CHD4: variants seen among roughly 807,000 people sequenced by gnomAD.
CHD4 encodes ATP-dependent chromatin remodeler CHD4.
A neutral mutation model predicts 235.5 loss-of-function variants in CHD4; 35 were observed. That is an observed-to-expected ratio of 0.15 (90% CI 0.11 to 0.20). The LOEUF (loss-of-function observed/expected upper bound fraction) is 0.20. Ranked by LOEUF, CHD4 falls within the 10% of genes least tolerant of loss-of-function variation. The probability of loss-of-function intolerance (pLI) is 1.00; values close to 1 mark genes in which losing one functional copy is unlikely to be tolerated. For synonymous variants in CHD4, 900 were observed against 850.2 expected (o/e 1.06, Z -1.02); for missense variants, 1,329 against 2,432.3 (o/e 0.55, Z 9.54).
At chr12:6,606,924 G>A (rs940240439) in intron 1 of CHD4, 2 of 152,102 alleles carry the variant, frequency 1.3e-5, no homozygotes, top group African/African-American at 2.4e-5. Flanking sequence ...GCGGGGACGA[G>A]GGGGCGTGGA....
intron 24 of CHD4, 42 bp downstream of exon 24, chr12:6,587,670 G>A: frequency 6.2e-7 from 1 of 1,608,918 alleles, no homozygotes; most frequent in Non-Finnish European, 8.5e-7. Flanking sequence ...CCTTTAGAGA[G>A]GCCAAGCCCC....
At chr12:6,581,531 G>T in intron 31 of CHD4, 118 bp downstream of exon 31, 1 of 1,534,910 alleles carries the variant, frequency 6.5e-7, no homozygotes, top group Non-Finnish European at 9.0e-7. Flanking sequence ...CTCCTAAACT[G>T]AGAGGGAATT....
intron 2 of CHD4, 22 bp from the exon 3 acceptor site, chr12:6,602,519 T>C: frequency 1.2e-6 from 2 of 1,608,750 alleles, no homozygotes; most frequent in Admixed American, 1.7e-5. Context: ...TGGCAAAGAG[T>C]GGTAGGCAGG....
rs766846637 is a variant in CHD4 at position 6,601,557 on chromosome 12, G to C, written c.558-27C>G. Reference sequence around the variant, plus strand: ...TGGTGGAGAAATGCACAAGAGCAGAGGGAAAGGTTTAAGAATAAAAAAAGA... The same window carrying C: ...TGGTGGAGAAATGCACAAGAGCAGACGGAAAGGTTTAAGAATAAAAAAAGA... On this transcript the variant is annotated intron_variant, in intron 5 of 39. Coordinates refer to ENST00000544040, the MANE Select transcript of CHD4 (RefSeq NM_001273.5). 5 of 1,613,844 alleles carry C rather than the reference G, an allele frequency of 3.1e-6. No homozygotes were observed. In the South Asian group the frequency reaches 3.3e-5, roughly 11 times the overall value.
In CHD4 at chr12:6,587,690, C is replaced by T. The variant is rs77543056; in HGVS notation, c.3703+22G>A. The T allele has an allele frequency of 4.8e-3, 7,814 of 1,611,868 alleles. 268 individuals are homozygous for T. In the African/African-American group the frequency reaches 0.082, roughly 17 times the overall value. ...AGAGAGGCCAAGCCCCACACCAAAA[C>T]GTAAGTTCCTGACTACCTCACCTCC... is the stretch of plus-strand genomic sequence containing the variant. On this transcript the variant is annotated intron_variant, in intron 24 of 39. Transcript: ENST00000544040.
chr12:6,571,050 G>T lies in CHD4; in HGVS notation c.5558-18C>A. On this transcript the variant is annotated intron_variant, in intron 38 of 39. Coordinates refer to ENST00000544040, the MANE Select transcript of CHD4 (RefSeq NM_001273.5). ...TTTCAGAACTGCATAGGGAGAAAAA[G>T]AGGTGGTGAGCTGTGGTGGCCCAGA... is the stretch of plus-strand genomic sequence containing the variant. The T allele has an allele frequency of 1.2e-6, 2 of 1,612,650 alleles. No individual in the cohort carries two copies. Among genetic ancestry groups the T allele is most frequent in the South Asian group, 2.2e-5 (2 of 90,942 alleles).
intron 7 of CHD4, 31 bp from the exon 8 acceptor site, chr12:6,600,700 G>C: frequency 6.2e-7 from 1 of 1,611,840 alleles, no homozygotes; most frequent in Admixed American, 1.7e-5. Context: ...AAGGTTAGAC[G>C]TTCAAGCCAA....
intron 34 of CHD4, 121 bp downstream of exon 34, chr12:6,578,723 TAC>T (rs997945397): frequency 7.4e-7 from 1 of 1,343,418 alleles, no homozygotes; most frequent in Non-Finnish European, 1.1e-6. Context: ...TGGGGACAGG[TAC>T]AGTCTTTTAT....
intron 25 of CHD4, among the ~76,000 whole-genome samples, chr12:6,586,111 A>T (rs1248169148): frequency 6.6e-6 from 1 of 150,698 alleles, no homozygotes; most frequent in Non-Finnish European, 1.5e-5. Context: ...AAAAAAAAAT[A>T]TATAAGGCCA....
At chr12:6,581,198 C>CA (rs1334228941) in intron 32 of CHD4, 25 bp from the exon 33 acceptor site, 1 of 1,610,332 alleles carries the variant, frequency 6.2e-7, no homozygotes, top group Admixed American at 1.7e-5. Context: ...AAAACAAAAA[C>CA]AAAACAGATG....
At chr12:6,602,640 A>T in intron 2 of CHD4, 143 bp from the exon 3 acceptor site, 2 of 1,139,942 alleles carry the variant, frequency 1.8e-6, no homozygotes, top group Non-Finnish European at 2.5e-6. Flanking sequence ...GTACAGGAGG[A>T]AGCTGATACC....
intron 33 of CHD4, chr12:6,580,685 C>A (rs1237026721): frequency 1.2e-5 from 2 of 163,890 alleles, no homozygotes; most frequent in Admixed American, 1.7e-4. Flanking sequence ...CCAGCCTGGG[C>A]AACGAGTAAA....
At position 6,594,381 on chromosome 12, in the gene CHD4, A is replaced by C. The variant is rs11064273; in HGVS notation, c.2313+78T>G. ...CAGAGACCAATTTTTTTATTCCCTT[A>C]TCTCTCTACTCAGTGTAAGTTAAGG... On this transcript the variant is annotated intron_variant, in intron 15 of 39. Transcript: ENST00000544040. 4.0e-3 allele frequency: 5,445 copies of C among 1,359,326 alleles called. 103 individuals are homozygous for C. Among genetic ancestry groups the C allele is most frequent in the African/African-American group, 0.033 (2,237 of 68,364 alleles). 84.2% of individuals were successfully genotyped at this position (1,359,326 alleles called of 1,614,324 possible).
At chr12:6,585,445 A>G (rs1403610655) in intron 25 of CHD4, among the ~76,000 whole-genome samples, 1 of 150,852 alleles carries the variant, frequency 6.6e-6, no homozygotes, top group East Asian at 2.0e-4. Flanking sequence ...CACCACGCCC[A>G]GCTAATTTTT....
intron 6 of CHD4, 91 bp downstream of exon 6, chr12:6,601,198 C>T (rs1592282405): frequency 1.3e-6 from 2 of 1,564,492 alleles, no homozygotes; most frequent in East Asian, 4.5e-5. Context: ...CTATCTCCTA[C>T]CTTAGGGCTG....
At chr12:6,595,466 C>T in intron 13 of CHD4, 36 bp from the exon 14 acceptor site, 7 of 1,585,446 alleles carry the variant, frequency 4.4e-6, no homozygotes, top group Non-Finnish European at 6.1e-6. Flanking sequence ...TGCCCAAAAT[C>T]CTTTTCTATA....
chr12:6,570,736 A>C, intron 39 of CHD4, 43 bp from the exon 40 acceptor site: 1 of 1,613,938 alleles, frequency 6.2e-7, no homozygotes, highest in South Asian at 1.1e-5. Context: ...AGATGATAGG[A>C]ATCCACCCAA....
intron 37 of CHD4, 147 bp downstream of exon 37, chr12:6,577,638 T>G: frequency 9.6e-7 from 1 of 1,038,278 alleles, no homozygotes; most frequent in Non-Finnish European, 1.4e-6. Flanking sequence ...TCTTCAACCC[T>G]AATGTGTAAG....
At chr12:6,595,717 G>A (rs1338779177) in intron 13 of CHD4, among the ~76,000 whole-genome samples, 1 of 151,520 alleles carries the variant, frequency 6.6e-6, no homozygotes, top group African/African-American at 2.4e-5. Context: ...GAACCCAGGA[G>A]GCGGAGGCTG....
Sources: allele counts gnomAD v4.1 joint callset (sites outside exome capture counted in the v4.1 genomes callset), GRCh38; gene constraint gnomAD v4.1.1; transcripts MANE v1.5; gene names NCBI Gene and HGNC (gene_info 2026-07-23, HGNC 2026-07-21).